DLD: variants seen among roughly 807,000 people sequenced by gnomAD.
DLD encodes dihydrolipoamide dehydrogenase, also known as dihydrolipoyl dehydrogenase, mitochondrial.
In DLD, 36 loss-of-function variants were observed where a neutral mutation model predicts 62.2. The observed-to-expected ratio is 0.58, with a 90% CI of 0.44 to 0.76. DLD has a LOEUF of 0.76. Ranked by LOEUF, DLD falls within the 30% of genes least tolerant of loss-of-function variation. The pLI is 0.00. For missense variants in DLD, 541 were observed against 608.6 expected, an observed-to-expected ratio of 0.89 and a Z score of 1.17; for synonymous variants, 204 against 199.6, an observed-to-expected ratio of 1.02 and a Z score of -0.19.
intron 8 of DLD, among the ~76,000 whole-genome samples, chr7:107,914,418 G>A (rs185363537): frequency 6.6e-6 from 1 of 151,054 alleles, no homozygotes; most frequent in East Asian, 1.9e-4. Flanking sequence ...TTGTGCTGTT[G>A]GTGTTACATC....
chr7:107,893,234 A>G lies in DLD; in HGVS notation c.74A>G (p.Gln25Arg), dbSNP rs61749951. ...TTCAATCGAATATCTCATGGCCTAC[A>G]GGGACTTTCTGCAGTGCCTCTGAGA... Reference protein sequence around the residue: ...GHFNRISHGLQGLSAVPLRTY... With the variant: ...GHFNRISHGLRGLSAVPLRTY... The change falls in exon 2 of 14, where the codon CAG becomes CGG. Residue 25 changes from glutamine (Q) to arginine (R), a missense_variant. By Grantham distance (43) the Gln-to-Arg change is conservative. Coordinates refer to ENST00000205402, the MANE Select transcript of DLD (RefSeq NM_000108.5). 1 of 1,613,604 alleles carries G rather than the reference A, an allele frequency of 6.2e-7. No homozygotes were observed. Among genetic ancestry groups the G allele is most frequent in the East Asian group, 2.2e-5 (1 of 44,878 alleles).
At chr7:107,918,408 TACTCA>T (rs940410909) in intron 12 of DLD, among the ~76,000 whole-genome samples, 5 of 152,214 alleles carry the variant, frequency 3.3e-5, no homozygotes, top group African/African-American at 9.6e-5. Flanking sequence ...TGCTCTCTTT[TACTCA>T]TTAATGCCAT....
At position 107,905,570 on chromosome 7, in the gene DLD, T is replaced by G; in HGVS notation, c.582+66T>G. On this transcript the variant is annotated intron_variant, in intron 7 of 13. Transcript: ENST00000205402. The stretch of plus-strand genomic sequence containing the variant: ...TTAGAAATACGTTTTATAAGTTATT[T>G]ATGCTATTTGTGAACTTTGAGAGAT... 4 of 1,526,964 alleles carry G rather than the reference T, an allele frequency of 2.6e-6. No homozygotes were observed. The East Asian group carries it at 6.8e-5, about 26-fold the overall frequency. The allele number at this position is 1,526,964 out of a possible 1,614,324, so 94.6% of individuals were successfully genotyped here. A position where few individuals can be genotyped will look rare whatever the true frequency, so the allele number is the denominator to read the frequency against.
At position 107,917,344 on chromosome 7, in the gene DLD, G is replaced by A. The variant is rs2032293520; in HGVS notation, c.1118G>A (p.Cys373Tyr). ...AHKAEDEGII[C>Y]VEGMAGGAVH... is the part of the protein sequence containing the mutation. ...AAAGCAGAGGATGAAGGCATTATCT[G>A]TGTTGAAGGAATGGCTGGTGGTGCT... is the stretch of plus-strand genomic sequence containing the variant. The change falls in exon 11 of 14, where the codon TGT (cysteine) becomes TAT (tyrosine). Residue 373 changes from cysteine (C) to tyrosine (Y), a missense_variant. Transcript: ENST00000205402. 5 of 1,614,158 alleles carry A rather than the reference G, an allele frequency of 3.1e-6. No homozygotes were observed. Among genetic ancestry groups the A allele is most frequent in the Non-Finnish European group, 4.2e-6 (5 of 1,180,012 alleles).
chr7:107,907,181 T>C (rs969044115), intron 8 of DLD, among the ~76,000 whole-genome samples: 1 of 152,194 alleles, frequency 6.6e-6, no homozygotes. Flanking sequence ...TTCTGTCATA[T>C]CTGCTTGGCA....
At chr7:107,904,406 T>G (rs560058579) in intron 5 of DLD, among the ~76,000 whole-genome samples, 2 of 152,302 alleles carry the variant, frequency 1.3e-5, no homozygotes, top group East Asian at 3.9e-4. Context: ...ATGAGGTACT[T>G]TCTAAGATAC....
rs143729924 is a variant in DLD, at chr7:107,901,220, G to A, written c.119-518G>A. 2.0e-5 allele frequency among the ~76,000 whole-genome samples: 3 copies of A among 152,142 alleles called. No homozygotes were observed. The East Asian group carries it at 5.8e-4, about 29-fold the overall frequency. ...TCTTAAATTTATTGGAAATACTAAA[G>A]CATTATATAAAATTATCTTATTTAA... is the stretch of plus-strand genomic sequence containing the variant. On this transcript the variant is annotated intron_variant, in intron 2 of 13. Transcript: ENST00000205402.
intron 8 of DLD, among the ~76,000 whole-genome samples, chr7:107,912,486 C>G (rs1248521742): frequency 6.6e-6 from 1 of 152,060 alleles, no homozygotes; most frequent in Non-Finnish European, 1.5e-5. Context: ...TCCTTGTCAG[C>G]ATTTGTTATT....
chr7:107,891,255 A>G lies in DLD; in HGVS notation c.5A>G (p.Gln2Arg). Residue 2 changes from glutamine to arginine, a missense_variant, in exon 1 of 14, where the codon CAG (glutamine) becomes CGG (arginine). By Grantham distance (43) the Gln-to-Arg change is conservative (BLOSUM62 1). Coordinates refer to ENST00000205402, the MANE Select transcript of DLD (RefSeq NM_000108.5). Reference sequence around the variant, plus strand: ...AAAGGAAAATACAGCGGAAAAATGCAGAGCTGGAGTCGTGTGTACTGCTCC... The same window carrying G: ...AAAGGAAAATACAGCGGAAAAATGCGGAGCTGGAGTCGTGTGTACTGCTCC... MQSWSRVYCSLA... is the reference protein window; with the variant it reads MRSWSRVYCSLA... 1.9e-6 allele frequency: 3 copies of G among 1,614,174 alleles called. No individual in the cohort carries two copies. Among genetic ancestry groups the G allele is most frequent in the South Asian group, 1.1e-5 (1 of 91,090 alleles).
Position 107,897,704 on chromosome 7 carries a change from G to C in DLD, c.119-4034G>C, listed in dbSNP as rs60931061. On this transcript the variant is annotated intron_variant, in intron 2 of 13. Transcript: ENST00000205402. ...GGAGATTCTCATGCCTCAGCCTCCT[G>C]AGTAGCTGGGACTACAGGCACGCAC... Among the ~76,000 whole-genome samples the C allele has an allele frequency of 4.1e-3, 623 of 150,774 alleles. 4 individuals carry two copies. The highest frequency in any genetic ancestry group is 0.014 in the African/African-American group (582 of 40,926).
chr7:107,891,151 G>C, upstream of DLD: 1 of 1,440,074 alleles, frequency 6.9e-7, no homozygotes, highest in East Asian at 2.3e-5. Context: ...GATGACGTAG[G>C]CTGCGCCTGT....
chr7:107,892,538 T>TATTG (rs2031612325), intron 1 of DLD, among the ~76,000 whole-genome samples: 1 of 151,800 alleles, frequency 6.6e-6, no homozygotes, highest in Admixed American at 6.6e-5. Context: ...GAGCTTTATT[T>TATTG]ATTTATTTAT....
intron 8 of DLD, among the ~76,000 whole-genome samples, chr7:107,913,368 T>C (rs1412505712): frequency 6.6e-6 from 1 of 152,128 alleles, no homozygotes; most frequent in African/African-American, 2.4e-5. Context: ...TTCCAGTCCA[T>C]GAACATGAAC....
At position 107,919,623 on chromosome 7, in the gene DLD, T is replaced by G. The variant is rs1430717931; in HGVS notation, c.*364T>G. ...TTACATGGCTGGAGCTAGAATTTGA[T>G]ATGTGAACAGTTGTGTTTGAAGCAC... On this transcript the variant is annotated 3_prime_UTR_variant, in exon 14 of 14. Transcript: ENST00000205402. 4.6e-6 allele frequency: 1 copy of G among 215,834 alleles called. No individual in the cohort carries two copies. Among genetic ancestry groups the G allele is most frequent in the Non-Finnish European group, 9.2e-6 (1 of 108,186 alleles). 13.4% of individuals were successfully genotyped at this position (215,834 alleles called of 1,614,324 possible). A position where few individuals can be genotyped will look rare whatever the true frequency, so the allele number is the denominator to read the frequency against.
chr7:107,905,211 C>T (rs1251468346), intron 6 of DLD, 150 bp from the exon 7 acceptor site: 3 of 1,037,564 alleles, frequency 2.9e-6, no homozygotes, highest in Non-Finnish European at 4.3e-6. Context: ...ACATATATCA[C>T]AGATTTTTTT....
chr7:107,892,295 T>A (rs1160567920), intron 1 of DLD, among the ~76,000 whole-genome samples: 1 of 152,224 alleles, frequency 6.6e-6, no homozygotes, highest in Non-Finnish European at 1.5e-5. Context: ...GAGATTATGA[T>A]GCAATTTGTC....
At chr7:107,907,472 TAAAAG>T (rs1441836764) in intron 8 of DLD, among the ~76,000 whole-genome samples, 2 of 152,202 alleles carry the variant, frequency 1.3e-5, no homozygotes, top group Non-Finnish European at 2.9e-5. Context: ...AAATATTACA[TAAAAG>T]AGAAATCAGA....
Position 107,920,295 on chromosome 7 carries a change from A to T in DLD, c.*1036A>T, listed in dbSNP as rs1364684622. 6.6e-6 allele frequency: 1 copy of T among 152,396 alleles called. No homozygotes were observed. Among genetic ancestry groups the T allele is most frequent in the Admixed American group, 6.5e-5 (1 of 15,290 alleles). The allele number at this position is 152,396 out of a possible 1,614,324, so 9.4% of individuals were successfully genotyped here. A position where few individuals can be genotyped will look rare whatever the true frequency, so the allele number is the denominator to read the frequency against. On this transcript the variant is annotated 3_prime_UTR_variant, in exon 14 of 14. Coordinates refer to ENST00000205402, the MANE Select transcript of DLD (RefSeq NM_000108.5). The stretch of plus-strand genomic sequence containing the variant: ...CATGTCCTGAGGAAACTTAAGTAAC[A>T]AAGTACTAAATGCTAAGTAGGCTTT...
intron 2 of DLD, among the ~76,000 whole-genome samples, chr7:107,898,270 C>CTTTTTTT (rs67913323): frequency 2.6e-4 from 17 of 65,566 alleles, no homozygotes; most frequent in African/African-American, 1.0e-3. Context: ...TTTCTGTATC[C>CTTTTTTT]TTTTTTTTTT....
Sources: allele counts gnomAD v4.1 joint callset (sites outside exome capture counted in the v4.1 genomes callset), GRCh38; gene constraint gnomAD v4.1.1; transcripts MANE v1.5; gene names NCBI Gene and HGNC (gene_info 2026-07-23, HGNC 2026-07-21).